The following CCDC158 variants were observed in gnomAD, a reference collection of about 807,000 sequenced individuals.
CCDC158 encodes coiled-coil domain-containing protein 158.
In CCDC158, 116 loss-of-function variants were observed where a neutral mutation model predicts 138.6. The observed-to-expected ratio is 0.84, with a 90% CI of 0.72 to 0.98. The LOEUF is 0.98. Ranked by LOEUF, CCDC158 falls within the 50% of genes least tolerant of loss-of-function variation. The pLI, the probability that CCDC158 is intolerant of heterozygous loss-of-function variation, is 0.00. For missense variants in CCDC158, 1,265 were observed against 1,306.1 expected (o/e 0.97, Z 0.48); for synonymous variants, 436 against 442.4 (o/e 0.99, Z 0.18).
chr4:76,345,333 G>A, intron 18 of CCDC158: 1 of 1,116,382 alleles, frequency 9.0e-7, no homozygotes, highest in Non-Finnish European at 1.4e-6. Context: ...CATTGATTAT[G>A]AGAACTCAAA....
At chr4:76,415,309 A>G (rs1729604720) in intron 1 of CCDC158, among the ~76,000 whole-genome samples, 1 of 152,166 alleles carries the variant, frequency 6.6e-6, no homozygotes, top group Non-Finnish European at 1.5e-5. Context: ...TGACCCGGGT[A>G]CTGTTAAAGC....
intron 8 of CCDC158, among the ~76,000 whole-genome samples, chr4:76,380,692 G>A (rs28771241): frequency 0.029 from 4,487 of 152,264 alleles, 222 homozygotes; most frequent in African/African-American, 0.1. Flanking sequence ...TCAAGCTGCC[G>A]GCTGCAGAAA....
chr4:76,402,193 G>A (rs1728454953), intron 3 of CCDC158: 3 of 152,222 alleles, frequency 2.0e-5, no homozygotes, highest in South Asian at 4.1e-4. Flanking sequence ...AGAGGGGCAA[G>A]GAAGGGAAAG....
chr4:76,333,937 G>C, intron 19 of CCDC158, 73 bp downstream of exon 19: 3 of 1,103,424 alleles, frequency 2.7e-6, no homozygotes, highest in Non-Finnish European at 3.8e-6. Flanking sequence ...CTCCCAGAGA[G>C]TAACATGTGA....
Position 76,367,400 on chromosome 4 carries a change from G to A in CCDC158, c.1724C>T (p.Thr575Ile). 1 of 1,614,204 alleles carries A rather than the reference G, an allele frequency of 6.2e-7. No individual in the cohort carries two copies. Among genetic ancestry groups the A allele is most frequent in the Non-Finnish European group, 8.5e-7 (1 of 1,180,044 alleles). Reference protein sequence around the residue: ...EILRQQIENMTQLVGQHGRTA... With the variant: ...EILRQQIENMIQLVGQHGRTA... Reference sequence around the variant, plus strand: ...TCGTCCATGCTGGCCCACCAGCTGTGTCATGTTCTCAATCTGCTGTCGCAG... The same window carrying A: ...TCGTCCATGCTGGCCCACCAGCTGTATCATGTTCTCAATCTGCTGTCGCAG... Residue 575 changes from threonine (T) to isoleucine (I), a missense_variant, in exon 12 of 25, where the codon ACA becomes ATA. Physicochemically the swap from Thr to Ile is moderately conservative, Grantham distance 89. Coordinates refer to ENST00000682701, the MANE Select transcript of CCDC158 (RefSeq NM_001394954.1).
chr4:76,367,909 T>A (rs1578992711), intron 11 of CCDC158, 133 bp from the exon 12 acceptor site: 2 of 604,454 alleles, frequency 3.3e-6, no homozygotes, highest in Non-Finnish European at 5.2e-6. Context: ...TTTTTTTTTT[T>A]AAGAGATGGG....
chr4:76,405,288 C>T (rs183836966), intron 2 of CCDC158, among the ~76,000 whole-genome samples: 18 of 152,266 alleles, frequency 1.2e-4, no homozygotes, highest in African/African-American at 4.1e-4. Context: ...TTACAGCCAG[C>T]CAAGATGTCC....
chr4:76,360,053 C>T (rs966737981), intron 13 of CCDC158, among the ~76,000 whole-genome samples: 7 of 152,216 alleles, frequency 4.6e-5, no homozygotes, highest in Admixed American at 6.5e-5. Flanking sequence ...GGACATGGTG[C>T]CCTGCATTTC....
At position 76,362,235 on chromosome 4, in the gene CCDC158, C is replaced by T. The variant is rs1724214412; in HGVS notation, c.1911G>A (p.Leu637=). The T allele has an allele frequency of 6.2e-7, 1 of 1,614,058 alleles. No homozygotes were observed. The highest frequency in any genetic ancestry group is 1.7e-5 in the Admixed American group (1 of 60,008). ...VSDLELEKVK[L]VNAGSERLRA... ...GGAGCCGCTCAGAGCCTGCATTCAC[C>T]AGCTTCACCTTTTCCAGCTCCAAGT... The change falls in exon 13 of 25, where the codon CTG becomes CTA. Residue 637 remains leucine, a synonymous_variant. Coordinates refer to ENST00000682701, the MANE Select transcript of CCDC158 (RefSeq NM_001394954.1).
At chr4:76,391,190 A>T (rs1727279191) in intron 4 of CCDC158, among the ~76,000 whole-genome samples, 1 of 151,946 alleles carries the variant, frequency 6.6e-6, no homozygotes, top group South Asian at 2.1e-4. Flanking sequence ...AGCCTTGTAT[A>T]CACACAGGAA....
chr4:76,315,427 C>T (rs1478903124), intron 24 of CCDC158, among the ~76,000 whole-genome samples: 1 of 152,200 alleles, frequency 6.6e-6, no homozygotes, highest in Non-Finnish European at 1.5e-5. Flanking sequence ...CAACTTAGGG[C>T]AAGCTTACAT....
chr4:76,380,332 G>A (rs1448058793), intron 8 of CCDC158, among the ~76,000 whole-genome samples: 1 of 152,144 alleles, frequency 6.6e-6, no homozygotes, highest in African/African-American at 2.4e-5. Flanking sequence ...AAAGAGTCCA[G>A]GCTGAGGTGG....
At chr4:76,333,115 T>C (rs537779560) in intron 19 of CCDC158, among the ~76,000 whole-genome samples, 2 of 152,320 alleles carry the variant, frequency 1.3e-5, no homozygotes, top group African/African-American at 2.4e-5. Flanking sequence ...AATGTAATGT[T>C]ATGCTAAGGT....
intron 4 of CCDC158, among the ~76,000 whole-genome samples, chr4:76,389,997 A>G (rs992149458): frequency 6.6e-6 from 1 of 152,212 alleles, no homozygotes; most frequent in Non-Finnish European, 1.5e-5. Flanking sequence ...AGAGAAGGAT[A>G]TTAATAAGCA....
chr4:76,357,000 G>A (rs1723634670), intron 14 of CCDC158, among the ~76,000 whole-genome samples: 1 of 152,096 alleles, frequency 6.6e-6, no homozygotes, highest in South Asian at 2.1e-4. Context: ...CAACTAGCCA[G>A]GGACCTACAG....
intron 23 of CCDC158, among the ~76,000 whole-genome samples, chr4:76,324,729 A>T (rs1720366559): frequency 6.6e-6 from 1 of 152,126 alleles, no homozygotes; most frequent in Non-Finnish European, 1.5e-5. Context: ...AGTTCCAGGA[A>T]GGCATCCAAG....
chr4:76,418,664 A>T (rs1244364128), intron 1 of CCDC158, among the ~76,000 whole-genome samples: 1 of 152,182 alleles, frequency 6.6e-6, no homozygotes, highest in African/African-American at 2.4e-5. Flanking sequence ...TTATAAAACC[A>T]TCAGATCTTG....
intron 18 of CCDC158, among the ~76,000 whole-genome samples, chr4:76,350,628 A>G (rs1722956820): frequency 6.6e-6 from 1 of 152,196 alleles, no homozygotes; most frequent in South Asian, 2.1e-4. Flanking sequence ...TCTGTTATAA[A>G]TAAGTTAACA....
intron 19 of CCDC158, among the ~76,000 whole-genome samples, chr4:76,333,252 A>G (rs570349532): frequency 6.6e-6 from 1 of 152,344 alleles, no homozygotes; most frequent in East Asian, 1.9e-4. Flanking sequence ...TTATTTATAT[A>G]TAGGTATCAT....
Sources: allele counts gnomAD v4.1 joint callset (sites outside exome capture counted in the v4.1 genomes callset), GRCh38; gene constraint gnomAD v4.1.1; transcripts MANE v1.5; gene names NCBI Gene and HGNC (gene_info 2026-07-23, HGNC 2026-07-21).